The following DIAPH2 variants were observed in gnomAD, a reference collection of about 807,000 sequenced individuals.
DIAPH2 encodes protein diaphanous homolog 2.
DIAPH2 carries 35 observed loss-of-function variants against 92.7 expected under a neutral mutation model. The ratio of observed to expected loss-of-function variants is 0.38; its 90% CI spans 0.29 to 0.50. The LOEUF is 0.50. Ranked by LOEUF, DIAPH2 falls within the 20% of genes least tolerant of loss-of-function variation. The pLI is 0.94. For synonymous variants in DIAPH2, 301 were observed against 280.4 expected, an observed-to-expected ratio of 1.07 and a Z score of -0.73; for missense variants, 701 against 819.5, an observed-to-expected ratio of 0.86 and a Z score of 1.77.
At chrX:97,569,752 A>G (rs896222344) in intron 26 of DIAPH2, among the ~76,000 whole-genome samples, 3 of 110,360 alleles carry the variant, frequency 2.7e-5, no homozygotes, top group Non-Finnish European at 5.7e-5. Context: ...ATGGTCTGTC[A>G]TGCTATTGCT....
intron 22 of DIAPH2, among the ~76,000 whole-genome samples, chrX:97,234,597 C>T (rs755013756): frequency 3.0e-4 from 34 of 111,963 alleles, no homozygotes; most frequent in African/African-American, 1.1e-3. Context: ...CCTTTATAGT[C>T]CAAAAGCAGC....
chrX:96,712,971 T>G (rs988785010), intron 1 of DIAPH2, among the ~76,000 whole-genome samples: 12 of 111,492 alleles, frequency 1.1e-4, no homozygotes, highest in African/African-American at 3.9e-4. Flanking sequence ...GTTCCCTATT[T>G]TCTTATGCTA....
At chrX:96,845,693 T>G (rs1267855597) in intron 4 of DIAPH2, among the ~76,000 whole-genome samples, 1 of 112,756 alleles carries the variant, frequency 8.9e-6, no homozygotes, top group Non-Finnish European at 1.9e-5. Context: ...ATTTTTATAT[T>G]TTACGTTTAA....
intron 25 of DIAPH2, among the ~76,000 whole-genome samples, chrX:97,413,493 C>G (rs975762161): frequency 9.0e-6 from 1 of 111,180 alleles, no homozygotes; most frequent in Admixed American, 9.6e-5. Context: ...AAAACTGGCA[C>G]AAGACAGGGA....
intron 22 of DIAPH2, among the ~76,000 whole-genome samples, chrX:97,222,123 G>T (rs1447801732): frequency 9.0e-6 from 1 of 110,769 alleles, no homozygotes; most frequent in Non-Finnish European, 1.9e-5. Flanking sequence ...ATTTAGTCTT[G>T]TTCCTTCATT....
At chrX:97,192,875 A>G (rs962354297) in intron 22 of DIAPH2, among the ~76,000 whole-genome samples, 1 of 110,621 alleles carries the variant, frequency 9.0e-6, no homozygotes, top group Non-Finnish European at 1.9e-5. Context: ...GTTACTTAAG[A>G]CTCACTACTA....
At chrX:97,401,693 G>A (rs1164074470) in intron 25 of DIAPH2, among the ~76,000 whole-genome samples, 1 of 111,436 alleles carries the variant, frequency 9.0e-6, no homozygotes, top group Admixed American at 9.6e-5. Context: ...GGGGGTAAGG[G>A]GACAGCAATC....
intron 4 of DIAPH2, among the ~76,000 whole-genome samples, chrX:96,763,358 CT>C (rs981643161): frequency 2.7e-5 from 3 of 109,429 alleles, no homozygotes; most frequent in East Asian, 2.8e-4. Flanking sequence ...AAGTTTTCAC[CT>C]TTTTTTTTGT....
chrX:96,924,469 G>A (rs904169939), intron 9 of DIAPH2, among the ~76,000 whole-genome samples: 3 of 111,124 alleles, frequency 2.7e-5, no homozygotes, highest in African/African-American at 9.8e-5. Context: ...TGACCTCCAT[G>A]ATATAAAAAG....
intron 26 of DIAPH2, among the ~76,000 whole-genome samples, chrX:97,522,339 G>A (rs1052071011): frequency 9.0e-6 from 1 of 111,492 alleles, no homozygotes; most frequent in African/African-American, 3.3e-5. Context: ...AAGAGATGGG[G>A]TCTCGCTATG....
chrX:97,204,024 A>G (rs1170704395), intron 22 of DIAPH2, among the ~76,000 whole-genome samples: 1 of 112,208 alleles, frequency 8.9e-6, no homozygotes. Context: ...CAATATATGC[A>G]AATCAATAAA....
chrX:97,177,754 C>A (rs1427080913), intron 22 of DIAPH2, among the ~76,000 whole-genome samples: 1 of 107,466 alleles, frequency 9.3e-6, no homozygotes, highest in East Asian at 2.9e-4. Flanking sequence ...GGCTTTTCTT[C>A]CTGGTCTATT....
At chrX:96,859,787 G>C (rs908443452) in intron 4 of DIAPH2, among the ~76,000 whole-genome samples, 1 of 109,547 alleles carries the variant, frequency 9.1e-6, no homozygotes, top group Admixed American at 9.8e-5. Flanking sequence ...GACCACAGGC[G>C]CCCACCACCA....
chrX:97,233,279 C>G (rs1430403480), intron 22 of DIAPH2, among the ~76,000 whole-genome samples: 1 of 112,648 alleles, frequency 8.9e-6, no homozygotes, highest in Non-Finnish European at 1.9e-5. Context: ...GGCAGTAGAG[C>G]ATGTTGGTTA....
intron 4 of DIAPH2, among the ~76,000 whole-genome samples, chrX:96,799,406 A>G (rs1008420673): frequency 8.9e-6 from 1 of 112,261 alleles, no homozygotes; most frequent in Non-Finnish European, 1.9e-5. Context: ...AGAAGCAGAA[A>G]TCTCTAAATG....
intron 25 of DIAPH2, among the ~76,000 whole-genome samples, chrX:97,391,214 G>A (rs1182358462): frequency 9.0e-6 from 1 of 111,218 alleles, no homozygotes; most frequent in Non-Finnish European, 1.9e-5. Context: ...TTCTCAGAGA[G>A]TGTCTTATGA....
intron 25 of DIAPH2, among the ~76,000 whole-genome samples, chrX:97,415,096 G>GA (rs1472960196): frequency 8.9e-6 from 1 of 112,062 alleles, no homozygotes; most frequent in Non-Finnish European, 1.9e-5. Flanking sequence ...AAAGACACAT[G>GA]AAAAAATGCT....
At chrX:97,553,157 C>T (rs1314685700) in intron 26 of DIAPH2, among the ~76,000 whole-genome samples, 1 of 112,352 alleles carries the variant, frequency 8.9e-6, no homozygotes, top group Non-Finnish European at 1.9e-5. Flanking sequence ...TATTATTCTA[C>T]TGTTTTGTGT....
chrX:97,175,742 A>G (rs1602392938), intron 22 of DIAPH2, among the ~76,000 whole-genome samples: 1 of 112,198 alleles, frequency 8.9e-6, no homozygotes, highest in African/African-American at 3.2e-5. Context: ...ACAACTGCCT[A>G]TGATTAGTTT....
Sources: gnomAD v4.1 joint callset for allele counts (sites outside exome capture counted in the v4.1 genomes callset) on GRCh38, gnomAD v4.1.1 for gene constraint, MANE v1.5 for transcripts, NCBI Gene and HGNC (gene_info 2026-07-23, HGNC 2026-07-21) for gene names.